MARK1: variants seen among roughly 807,000 people sequenced by gnomAD.
The protein encoded by MARK1 is serine/threonine-protein kinase MARK1.
A neutral mutation model predicts 96.3 loss-of-function variants in MARK1; 40 were observed. That is an observed-to-expected ratio of 0.42 (90% CI 0.32 to 0.54). The LOEUF is 0.54. Among genes scored for constraint, MARK1 ranks in the 20% least tolerant of loss-of-function variants. MARK1 has a pLI of 0.16. For missense variants in MARK1, 719 were observed against 984.6 expected, an observed-to-expected ratio of 0.73 and a Z score of 3.61; for synonymous variants, 317 against 341.2, an observed-to-expected ratio of 0.93 and a Z score of 0.78.
At chr1:220,580,048 A>G (rs1406259935) in intron 2 of MARK1, among the ~76,000 whole-genome samples, 1 of 152,206 alleles carries the variant, frequency 6.6e-6, no homozygotes, top group Non-Finnish European at 1.5e-5. Flanking sequence ...ATGTATTTAT[A>G]TAGTAAGAAT....
At chr1:220,633,670 A>AAGGC (rs1396737034) in intron 11 of MARK1, among the ~76,000 whole-genome samples, 1 of 152,240 alleles carries the variant, frequency 6.6e-6, no homozygotes, top group Non-Finnish European at 1.5e-5. Flanking sequence ...CAGACCCACC[A>AAGGC]AGGCAGGTCT....
At chr1:220,571,454 G>A (rs970270281) in intron 1 of MARK1, among the ~76,000 whole-genome samples, 20 of 152,246 alleles carry the variant, frequency 1.3e-4, no homozygotes, top group Middle Eastern at 3.4e-3. Flanking sequence ...AAACATTTTT[G>A]TCACTCATAA....
chr1:220,645,348 C>G (rs931736895), intron 13 of MARK1, among the ~76,000 whole-genome samples: 6 of 152,132 alleles, frequency 3.9e-5, no homozygotes, highest in African/African-American at 7.2e-5. Flanking sequence ...CACATACACC[C>G]TCCCAAGACT....
chr1:220,555,443 A>G (rs1403966744), intron 1 of MARK1, among the ~76,000 whole-genome samples: 3 of 152,164 alleles, frequency 2.0e-5, no homozygotes, highest in Non-Finnish European at 4.4e-5. Flanking sequence ...GATGTATTGA[A>G]GTAAGAGATG....
intron 14 of MARK1, among the ~76,000 whole-genome samples, chr1:220,650,977 A>G (rs1305063832): frequency 6.6e-6 from 1 of 152,234 alleles, no homozygotes; most frequent in Non-Finnish European, 1.5e-5. Context: ...TTTTTCTATA[A>G]CAAAGCAGAT....
chr1:220,607,424 C>T (rs1666148368), intron 6 of MARK1, among the ~76,000 whole-genome samples: 1 of 152,128 alleles, frequency 6.6e-6, no homozygotes. Flanking sequence ...AGATTTTGGG[C>T]TGAGATGATG....
intron 5 of MARK1, among the ~76,000 whole-genome samples, chr1:220,601,139 C>T (rs1328233246): frequency 1.3e-5 from 2 of 151,982 alleles, no homozygotes; most frequent in South Asian, 2.1e-4. Flanking sequence ...AGGATGGTCT[C>T]GATCTCCTGA....
At chr1:220,536,198 C>T (rs1026189290) in intron 1 of MARK1, among the ~76,000 whole-genome samples, 3 of 151,948 alleles carry the variant, frequency 2.0e-5, no homozygotes, top group Non-Finnish European at 4.4e-5. Flanking sequence ...AAGATAATCT[C>T]GTCTACAAAC....
chr1:220,535,214 A>G (rs1180104740), intron 1 of MARK1, among the ~76,000 whole-genome samples: 1 of 152,022 alleles, frequency 6.6e-6, no homozygotes, highest in African/African-American at 2.4e-5. Flanking sequence ...CATCCTCACC[A>G]ATGTTTATTT....
chr1:220,558,257 A>G (rs1662424303), intron 1 of MARK1, among the ~76,000 whole-genome samples: 1 of 151,156 alleles, frequency 6.6e-6, no homozygotes, highest in Non-Finnish European at 1.5e-5. Flanking sequence ...GAAATGGACT[A>G]TTTTATTATG....
intron 11 of MARK1, among the ~76,000 whole-genome samples, chr1:220,633,569 A>T (rs986537590): frequency 2.0e-5 from 3 of 152,212 alleles, no homozygotes; most frequent in Non-Finnish European, 2.9e-5. Flanking sequence ...TGAGCAGTTA[A>T]TAGTATGGTA....
intron 3 of MARK1, among the ~76,000 whole-genome samples, chr1:220,597,141 G>A (rs770474340): frequency 2.6e-5 from 4 of 152,018 alleles, no homozygotes; most frequent in Non-Finnish European, 4.4e-5. Flanking sequence ...TCTGGTTGCG[G>A]GGCTATTGTG....
At chr1:220,591,180 C>G (rs983314455) in intron 3 of MARK1, among the ~76,000 whole-genome samples, 1 of 152,054 alleles carries the variant, frequency 6.6e-6, no homozygotes, top group East Asian at 1.9e-4. Context: ...TAATTGCAGT[C>G]AAAAACCCAA....
intron 6 of MARK1, among the ~76,000 whole-genome samples, chr1:220,612,539 C>T (rs1558297797): frequency 6.6e-6 from 1 of 151,638 alleles, no homozygotes; most frequent in Non-Finnish European, 1.5e-5. Context: ...TATATGTTTT[C>T]CCAAAACTAA....
At chr1:220,590,894 A>G (rs1351839179) in intron 3 of MARK1, among the ~76,000 whole-genome samples, 4 of 152,186 alleles carry the variant, frequency 2.6e-5, no homozygotes, top group African/African-American at 7.2e-5. Context: ...TACTCAAGAC[A>G]TCTTTGAGAT....
chr1:220,638,183 C>A (rs571872455), intron 13 of MARK1, among the ~76,000 whole-genome samples: 5 of 151,434 alleles, frequency 3.3e-5, no homozygotes, highest in Admixed American at 3.3e-4. Context: ...AGTGTAATCA[C>A]CCCACATAGC....
intron 1 of MARK1, among the ~76,000 whole-genome samples, chr1:220,579,084 C>T (rs927181494): frequency 2.0e-5 from 3 of 152,162 alleles, no homozygotes; most frequent in African/African-American, 4.8e-5. Flanking sequence ...TCAAGTGAAC[C>T]GCCTGCCTTG....
chr1:220,583,653 CTTT>C (rs397966746), intron 3 of MARK1, among the ~76,000 whole-genome samples: 1 of 139,858 alleles, frequency 7.2e-6, no homozygotes, highest in Non-Finnish European at 1.6e-5. Flanking sequence ...TTCCTGGGTT[CTTT>C]TTTTTTTTTT....
At chr1:220,609,323 T>C (rs1666286445) in intron 6 of MARK1, among the ~76,000 whole-genome samples, 1 of 152,246 alleles carries the variant, frequency 6.6e-6, no homozygotes, top group African/African-American at 2.4e-5. Context: ...CTTCTTTGTC[T>C]CTTTTGATCT....
Sources: allele counts gnomAD v4.1 joint callset (sites outside exome capture counted in the v4.1 genomes callset), GRCh38; gene constraint gnomAD v4.1.1; transcripts MANE v1.5; gene names NCBI Gene and HGNC (gene_info 2026-07-23, HGNC 2026-07-21).